ATE1: variants seen among roughly 807,000 people sequenced by gnomAD.
ATE1 encodes the protein arginyltransferase 1.
Under a neutral mutation model 70.5 loss-of-function variants are expected in ATE1, and 36 were observed. The observed-to-expected ratio is 0.51, with a 90% confidence interval of 0.39 to 0.67. The LOEUF (loss-of-function observed/expected upper bound fraction) is 0.67. Ranked by LOEUF, ATE1 falls within the 30% of genes least tolerant of loss-of-function variation. The pLI is 0.00. For synonymous variants in ATE1, 232 were observed against 219.3 expected, an observed-to-expected ratio of 1.06 and a Z score of -0.51; for missense variants, 593 against 629.5, an observed-to-expected ratio of 0.94 and a Z score of 0.62.
intron 11 of ATE1, among the ~76,000 whole-genome samples, chr10:121,770,522 T>A (rs1945467864): frequency 6.6e-6 from 1 of 152,168 alleles, no homozygotes; most frequent in African/African-American, 2.4e-5. Flanking sequence ...TTTCATTATG[T>A]CTCATGTTCT....
At chr10:121,849,933 G>T (rs965219524) in intron 8 of ATE1, among the ~76,000 whole-genome samples, 1 of 152,010 alleles carries the variant, frequency 6.6e-6, no homozygotes, top group African/African-American at 2.4e-5. Flanking sequence ...TCTGATGTTT[G>T]TTTATGAACA....
intron 3 of ATE1, among the ~76,000 whole-genome samples, chr10:121,919,772 T>C (rs182023758): frequency 5.3e-4 from 81 of 151,752 alleles, no homozygotes; most frequent in African/African-American, 1.9e-3. Flanking sequence ...GCGGTGGGCA[T>C]CTGTAGTCCC....
At chr10:121,814,090 G>A (rs11594831) in intron 10 of ATE1, among the ~76,000 whole-genome samples, 2,050 of 152,224 alleles carry the variant, frequency 0.013, 17 homozygotes, top group Non-Finnish European at 0.021. Context: ...AAAATGGGAG[G>A]ATTACTGCAA....
intron 10 of ATE1, among the ~76,000 whole-genome samples, chr10:121,824,676 C>A (rs531469075): frequency 1.3e-5 from 2 of 152,166 alleles, no homozygotes; most frequent in Non-Finnish European, 2.9e-5. Context: ...ACCAAACAGA[C>A]CGCCTGAAAT....
chr10:121,815,987 A>T (rs1947525524), intron 10 of ATE1, among the ~76,000 whole-genome samples: 1 of 152,216 alleles, frequency 6.6e-6, no homozygotes, highest in Admixed American at 6.5e-5. Context: ...ATACTGGGAA[A>T]AGAGGGATAC....
rs11200128 is a variant in ATE1 at position 121,749,320 on chromosome 10, T to A, written c.1379-5462A>T. Among the ~76,000 whole-genome samples, 925 of 152,346 alleles carry A rather than the reference T, an allele frequency of 6.1e-3. 17 individuals are homozygous for A. The highest frequency in any genetic ancestry group is 0.041 in the East Asian group (215 of 5,188). On this transcript the variant is annotated intron_variant, in intron 11 of 11. Transcript: ENST00000224652. ...AATTTATTCAACCAAGAAGGTATAC[T>A]CAGATATTAACATACAAGCAAATAA...
intron 11 of ATE1, among the ~76,000 whole-genome samples, chr10:121,766,018 A>T (rs1439627293): frequency 6.6e-6 from 1 of 152,022 alleles, no homozygotes; most frequent in Admixed American, 6.5e-5. Flanking sequence ...TGTCTCTATT[A>T]TTCTGACAGC....
At chr10:121,922,004 G>C (rs1257171950) in intron 3 of ATE1, among the ~76,000 whole-genome samples, 1 of 152,182 alleles carries the variant, frequency 6.6e-6, no homozygotes, top group Non-Finnish European at 1.5e-5. Flanking sequence ...CCAGAATGCA[G>C]AAAATTCTAA....
At chr10:121,834,888 T>C (rs1256451043) in intron 10 of ATE1, among the ~76,000 whole-genome samples, 1 of 152,146 alleles carries the variant, frequency 6.6e-6, no homozygotes, top group African/African-American at 2.4e-5. Flanking sequence ...AATACTTCAT[T>C]TGAATGGGTC....
At chr10:121,877,388 T>G (rs1950088054) in intron 7 of ATE1, among the ~76,000 whole-genome samples, 1 of 152,206 alleles carries the variant, frequency 6.6e-6, no homozygotes, top group South Asian at 2.1e-4. Context: ...ATCTGCAAGC[T>G]AAGTGTTTAG....
At chr10:121,856,865 G>A (rs956831850) in intron 8 of ATE1, among the ~76,000 whole-genome samples, 1 of 152,088 alleles carries the variant, frequency 6.6e-6, no homozygotes, top group Non-Finnish European at 1.5e-5. Flanking sequence ...TGTCATATAG[G>A]GGTTGGTTTC....
chr10:121,806,830 G>A (rs146240252), intron 10 of ATE1, among the ~76,000 whole-genome samples: 4 of 152,284 alleles, frequency 2.6e-5, no homozygotes, highest in South Asian at 2.1e-4. Flanking sequence ...GAACGTACAC[G>A]GGTGTTCATT....
At chr10:121,899,075 G>T in intron 7 of ATE1, 3 of 1,333,470 alleles carry the variant, frequency 2.2e-6, no homozygotes, top group Non-Finnish European at 3.0e-6. Flanking sequence ...GCCAAAGCTC[G>T]AACTCGAATT....
intron 7 of ATE1, among the ~76,000 whole-genome samples, chr10:121,890,238 C>T (rs529085918): frequency 6.6e-6 from 1 of 152,118 alleles, no homozygotes; most frequent in Non-Finnish European, 1.5e-5. Context: ...TGATTAAACA[C>T]TATATCTTTT....
In ATE1 at chr10:121,902,571, G is replaced by C. The variant is rs111764307; in HGVS notation, c.633C>G (p.Ile211Met). ...SKPPCRKAKE[I>M]RKERKRLKLM... Reference sequence around the variant, plus strand: ...GTTTTAACCTTTTCCTTTCTTTCCGGATTTCCTTTGCTTTTCGACATGGAG... The same window carrying C: ...GTTTTAACCTTTTCCTTTCTTTCCGCATTTCCTTTGCTTTTCGACATGGAG... The change falls in exon 6 of 12, where the codon ATC (isoleucine) becomes ATG (methionine). Residue 211 changes from isoleucine to methionine, a missense_variant. Around this residue, in one of 3 missense-constraint regions of ATE1, gnomAD observed 467 missense variants for 469.6 expected, o/e 0.99. Transcript: ENST00000224652. 44 of 1,613,936 alleles carry C rather than the reference G, an allele frequency of 2.7e-5. 1 individual carries two copies. In the African/African-American group the frequency reaches 4.1e-4, roughly 15 times the overall value.
intron 10 of ATE1, among the ~76,000 whole-genome samples, chr10:121,818,937 T>A (rs1459796864): frequency 6.6e-6 from 1 of 152,232 alleles, no homozygotes; most frequent in African/African-American, 2.4e-5. Context: ...AAAGTGATAC[T>A]GATACCATTT....
At chr10:121,822,899 G>A (rs1268490312) in intron 10 of ATE1, among the ~76,000 whole-genome samples, 3 of 152,098 alleles carry the variant, frequency 2.0e-5, no homozygotes, top group Non-Finnish European at 4.4e-5. Flanking sequence ...CATCTCTCAC[G>A]ATGTTTTATA....
At chr10:121,918,426 T>C (rs1356867020) in intron 3 of ATE1, among the ~76,000 whole-genome samples, 1 of 152,078 alleles carries the variant, frequency 6.6e-6, no homozygotes, top group African/African-American at 2.4e-5. Flanking sequence ...ATCACATAAC[T>C]ACTTTATTTT....
chr10:121,833,387 T>C (rs1948319509), intron 10 of ATE1, among the ~76,000 whole-genome samples: 1 of 152,130 alleles, frequency 6.6e-6, no homozygotes. Context: ...GTTCAACAAA[T>C]GTATATTAAG....
Sources: gnomAD v4.1 joint callset for allele counts (sites outside exome capture counted in the v4.1 genomes callset) on GRCh38, gnomAD v4.1.1 for gene constraint, gnomAD v4.1.1 regional missense constraint, MANE v1.5 for transcripts, NCBI Gene and HGNC (gene_info 2026-07-23, HGNC 2026-07-21) for gene names.